SIDT1: variants seen among roughly 807,000 people sequenced by gnomAD.
SIDT1 encodes the protein SID1 transmembrane family, member 1.
In SIDT1, 101 loss-of-function variants were observed where a neutral mutation model predicts 107.5. That is an observed-to-expected ratio of 0.94 (90% CI 0.80 to 1.11). SIDT1 has a LOEUF of 1.11. Ranked by LOEUF, SIDT1 falls within the 50% of genes least tolerant of loss-of-function variation. The pLI, the probability that SIDT1 is intolerant of heterozygous loss-of-function variation, is 0.00. For missense variants in SIDT1, 1,076 were observed against 1,058.2 expected (o/e 1.02, Z -0.23); for synonymous variants, 395 against 398.2 (o/e 0.99, Z 0.10).
chr3:113,613,083 T>G (rs1292147878), intron 19 of SIDT1, among the ~76,000 whole-genome samples: 1 of 152,230 alleles, frequency 6.6e-6, no homozygotes, highest in Non-Finnish European at 1.5e-5. Context: ...AATTCTTGGT[T>G]TCTCAAAGAA....
intron 19 of SIDT1, among the ~76,000 whole-genome samples, chr3:113,613,967 T>G (rs977834696): frequency 4.6e-5 from 7 of 152,200 alleles, no homozygotes; most frequent in African/African-American, 1.7e-4. Context: ...ACAGAAGTAC[T>G]ATTCACAAGA....
At chr3:113,625,456 T>G (rs1024940465) in intron 23 of SIDT1, among the ~76,000 whole-genome samples, 2 of 151,956 alleles carry the variant, frequency 1.3e-5, no homozygotes, top group Admixed American at 1.3e-4. Context: ...TATTTTTAGT[T>G]TTTTGAGGAA....
At chr3:113,604,580 A>G (rs1017707857) in intron 13 of SIDT1, among the ~76,000 whole-genome samples, 1 of 152,188 alleles carries the variant, frequency 6.6e-6, no homozygotes, top group African/African-American at 2.4e-5. Context: ...AAACCCTAAT[A>G]TTTGTTGGGT....
intron 1 of SIDT1, among the ~76,000 whole-genome samples, chr3:113,543,921 A>T (rs1266215547): frequency 6.6e-6 from 1 of 152,150 alleles, no homozygotes; most frequent in Non-Finnish European, 1.5e-5. Context: ...GTCCCTAAGT[A>T]CTTCAGTGTA....
intron 19 of SIDT1, among the ~76,000 whole-genome samples, chr3:113,613,221 G>C (rs1945875457): frequency 6.6e-6 from 1 of 152,194 alleles, no homozygotes; most frequent in East Asian, 1.9e-4. Flanking sequence ...CCTGCCCCTA[G>C]AGGTATGCCC....
intron 19 of SIDT1, among the ~76,000 whole-genome samples, chr3:113,614,698 A>C (rs982116598): frequency 6.6e-6 from 1 of 152,218 alleles, no homozygotes; most frequent in Non-Finnish European, 1.5e-5. Context: ...TAGCTCTCAT[A>C]AACCGCAGAG....
chr3:113,623,352 G>T, intron 21 of SIDT1, 75 bp from the exon 22 acceptor site: 1 of 910,860 alleles, frequency 1.1e-6, no homozygotes, highest in Non-Finnish European at 1.8e-6. Flanking sequence ...CCCCTCAAGG[G>T]ACTGGGGGAT....
chr3:113,560,438 C>T (rs1473916348), intron 1 of SIDT1, among the ~76,000 whole-genome samples: 1 of 152,212 alleles, frequency 6.6e-6, no homozygotes, highest in African/African-American at 2.4e-5. Flanking sequence ...TCCCCAGCAC[C>T]TCCCACAGCT....
At chr3:113,612,750 C>T (rs1406236828) in intron 19 of SIDT1, among the ~76,000 whole-genome samples, 2 of 152,184 alleles carry the variant, frequency 1.3e-5, no homozygotes, top group African/African-American at 4.8e-5. Context: ...TGCTGTTGAT[C>T]AGTCATCATA....
chr3:113,588,503 TA>T (rs1402298869), intron 9 of SIDT1, among the ~76,000 whole-genome samples: 2 of 152,202 alleles, frequency 1.3e-5, no homozygotes, highest in African/African-American at 2.4e-5. Context: ...GAGATCAGGA[TA>T]AAAAACATTG....
chr3:113,544,062 T>C (rs72950858), intron 1 of SIDT1, among the ~76,000 whole-genome samples: 6,402 of 152,240 alleles, frequency 0.042, 251 homozygotes, highest in African/African-American at 0.11. Flanking sequence ...AATAATGTCT[T>C]TTAATGAAAA....
chr3:113,560,007 A>G (rs1342038487), intron 1 of SIDT1, among the ~76,000 whole-genome samples: 1 of 152,206 alleles, frequency 6.6e-6, no homozygotes, highest in Non-Finnish European at 1.5e-5. Flanking sequence ...TATTCTGACC[A>G]AGCATTGCAT....
the SIDT1 span, among the ~76,000 whole-genome samples, chr3:113,637,025 C>G: frequency 2.0e-5 from 3 of 152,204 alleles, no homozygotes; most frequent in Non-Finnish European, 2.9e-5. Flanking sequence ...TTCCCAAAGT[C>G]ACAGCCAGGT....
rs751516674 is a variant in SIDT1, at chr3:113,585,215, A to G, written c.946A>G (p.Ile316Val). 18 of 1,613,692 alleles carry G rather than the reference A, an allele frequency of 1.1e-5. No individual in the cohort carries two copies. In the South Asian group the frequency reaches 2.0e-4, roughly 18 times the overall value. ...GAAATCCAGTCTTTTCAGTGTCTTCATCTTCCTGTCCTTCTACTTGGGATG... is the reference window on the plus strand; with the variant it reads ...GAAATCCAGTCTTTTCAGTGTCTTCGTCTTCCTGTCCTTCTACTTGGGATG... ...YVKSSLFSVF[I>V]FLSFYLGCLL... Residue 316 changes from isoleucine (I) to valine (V), a missense_variant, in exon 9 of 25, where the codon ATC (isoleucine) becomes GTC (valine). Ile to Val is a conservative substitution (Grantham distance 29). Coordinates refer to ENST00000264852, the MANE Select transcript of SIDT1 (RefSeq NM_017699.3).
In SIDT1 at chr3:113,607,026, C is replaced by T. The variant is rs778429349; in HGVS notation, c.1405-15C>T. ...AGGAAAACCACATTTCCTCTTCTCACTCTTGATTTTACAGGTGGTAAATGT... is the reference window on the plus strand; with the variant it reads ...AGGAAAACCACATTTCCTCTTCTCATTCTTGATTTTACAGGTGGTAAATGT... On this transcript the variant is annotated splice_polypyrimidine_tract_variant and intron_variant, in intron 14 of 24. Transcript: ENST00000264852. 1.9e-6 allele frequency: 3 copies of T among 1,570,572 alleles called. No individual in the cohort carries two copies. The highest frequency in any genetic ancestry group is 2.2e-5 in the South Asian group (2 of 90,244).
At chr3:113,557,896 G>A (rs552598752) in intron 1 of SIDT1, among the ~76,000 whole-genome samples, 1 of 152,298 alleles carries the variant, frequency 6.6e-6, no homozygotes, top group Admixed American at 6.5e-5. Context: ...GCAGAGAAAT[G>A]GAGAAATGAG....
chr3:113,582,755 C>G (rs1943456842), intron 6 of SIDT1, among the ~76,000 whole-genome samples: 2 of 151,958 alleles, frequency 1.3e-5, no homozygotes, highest in Non-Finnish European at 2.9e-5. Context: ...AACAAACAAA[C>G]AAAATGATTT....
intron 19 of SIDT1, 190 bp from the exon 20 acceptor site, chr3:113,615,910 T>A: frequency 1.6e-6 from 1 of 617,410 alleles, no homozygotes; most frequent in East Asian, 2.8e-5. Flanking sequence ...TGCACAGATA[T>A]GGCATCCCTC....
chr3:113,584,335 A>G (rs889728853), intron 7 of SIDT1, among the ~76,000 whole-genome samples: 13 of 152,184 alleles, frequency 8.5e-5, no homozygotes. Context: ...ATACAAACCA[A>G]AGGAAGAGGT....
Sources: gnomAD v4.1 joint callset for allele counts (sites outside exome capture counted in the v4.1 genomes callset) on GRCh38, gnomAD v4.1.1 for gene constraint, MANE v1.5 for transcripts, NCBI Gene and HGNC (gene_info 2026-07-23, HGNC 2026-07-21) for gene names.